The following ZNF414 variants were observed in gnomAD, a reference collection of about 807,000 sequenced individuals.
ZNF414 encodes zinc finger protein 414.
Under a neutral mutation model 38.3 loss-of-function variants are expected in ZNF414, and 32 were observed. The ratio of observed to expected loss-of-function variants is 0.83; its 90% CI spans 0.63 to 1.12. ZNF414 has a LOEUF of 1.12. Ranked by LOEUF, ZNF414 falls within the 50% of genes most tolerant of loss-of-function variation. ZNF414 has a pLI of 0.00. For synonymous variants in ZNF414, 256 were observed against 248.0 expected (o/e 1.03, Z -0.30); for missense variants, 589 against 557.4 (o/e 1.06, Z -0.57).
At position 8,511,799 on chromosome 19, in the gene ZNF414, G is replaced by A. The variant is rs1321226489; in HGVS notation, c.692C>T (p.Ala231Val). ...CAGCAGCGGGAACGGCAGGCCCGGC[G>A]CTGATGCGGGGTCAACCTCCGGGGG... ...ERPPEVDPAS[A>V]PGLPFPLLEP... The change falls in exon 5 of 8, where the codon GCG (alanine) becomes GTG (valine). Residue 231 changes from alanine (A) to valine (V), a missense_variant. Ala to Val is a moderately conservative substitution (Grantham distance 64). Transcript: ENST00000393927. 7.1e-7 allele frequency: 1 copy of A among 1,409,298 alleles called. No individual in the cohort carries two copies. Among genetic ancestry groups the A allele is most frequent in the South Asian group, 1.6e-5 (1 of 62,846 alleles). 87.3% of individuals were successfully genotyped at this position (1,409,298 alleles called of 1,614,324 possible). A position where few individuals can be genotyped will look rare whatever the true frequency, so the allele number is the denominator to read the frequency against.
At chr19:8,512,103 G>T in intron 4 of ZNF414, 143 bp from the exon 5 acceptor site, 1 of 1,416,884 alleles carries the variant, frequency 7.1e-7, no homozygotes, top group Non-Finnish European at 9.2e-7. Flanking sequence ...CTGTGGCAGC[G>T]ACCCTTCCTG....
At position 8,512,448 on chromosome 19, in the gene ZNF414, G is replaced by C. The variant is rs770736100; in HGVS notation, c.469C>G (p.Pro157Ala). ...CSALSCTETF[P>A]SMQELVAHSK... Reference sequence around the variant, plus strand: ...TGAGCCACCAGCTCCTGCATGCTGGGGAAGGTCTCGGTGCAGCTCAGGGCT... The same window carrying C: ...TGAGCCACCAGCTCCTGCATGCTGGCGAAGGTCTCGGTGCAGCTCAGGGCT... Residue 157 changes from proline (P) to alanine (A), a missense_variant, in exon 4 of 8, where the codon CCC becomes GCC. Transcript: ENST00000393927. 6.2e-7 allele frequency: 1 copy of C among 1,614,104 alleles called. No homozygotes were observed.
rs1372329914 is a variant in ZNF414 at position 8,513,014 on chromosome 19, C to T, written c.316+15G>A. 4 of 1,449,624 alleles carry T rather than the reference C, an allele frequency of 2.8e-6. No individual in the cohort carries two copies. The highest frequency in any genetic ancestry group is 9.1e-7 in the Non-Finnish European group (1 of 1,103,630). 89.8% of individuals were successfully genotyped at this position (1,449,624 alleles called of 1,614,324 possible). ...CAGGGACTGTGATTCCCCAGAAGAC[C>T]CCATCACAGATCACCTGGAGGTGGG... On this transcript the variant is annotated intron_variant, in intron 2 of 7. Transcript: ENST00000393927.
chr19:8,512,760 T>C, intron 2 of ZNF414, 49 bp from the exon 3 acceptor site: 1 of 1,431,786 alleles, frequency 7.0e-7, no homozygotes. Context: ...TCACTAGTGC[T>C]GTCCCTGACC....
chr19:8,513,391 C>G (rs1286765513), intron 1 of ZNF414, 50 bp from the exon 2 acceptor site: 24 of 1,500,242 alleles, frequency 1.6e-5, no homozygotes, highest in Admixed American at 2.4e-5. Context: ...TGGGTCAACC[C>G]AGTCGGCCCC....
Position 8,511,668 on chromosome 19 carries a change from C to A in ZNF414, c.823G>T (p.Ala275Ser). ...CTGGAAGCCGGCGGCCCGGGTGCAGCGGCCAGGAAGGGGCGCAGGCGCGGG... is the reference window on the plus strand; with the variant it reads ...CTGGAAGCCGGCGGCCCGGGTGCAGAGGCCAGGAAGGGGCGCAGGCGCGGG... Reference protein sequence around the residue: ...SPPRLRPFLAAAPGPPASSAA... With the variant: ...SPPRLRPFLASAPGPPASSAA... Residue 275 changes from alanine (A) to serine (S), a missense_variant, in exon 5 of 8, where the codon GCT becomes TCT. Transcript: ENST00000393927. The A allele has an allele frequency of 2.0e-6, 3 of 1,501,176 alleles. No homozygotes were observed. Among genetic ancestry groups the A allele is most frequent in the Non-Finnish European group, 2.7e-6 (3 of 1,129,392 alleles). 93.0% of individuals were successfully genotyped at this position (1,501,176 alleles called of 1,614,324 possible).
At chr19:8,512,957 T>G in intron 2 of ZNF414, 72 bp downstream of exon 2, 2 of 1,414,628 alleles carry the variant, frequency 1.4e-6, no homozygotes, top group Non-Finnish European at 1.8e-6. Context: ...GCCCTGAGGT[T>G]AGAGATTCTC....
At position 8,510,945 on chromosome 19, in the gene ZNF414, G is replaced by A. The variant is rs763446937; in HGVS notation, c.1005C>T (p.Ala335=). Residue 335 remains alanine (A), a synonymous_variant, in exon 7 of 8, where the codon GCC becomes GCT. Transcript: ENST00000393927. ...GGTGCAGGGTCATGGCGGGCCGCGA[G>A]GCCGTGGAGAAGGCGCACTGCATGC... ...YSCMQCAFST[A]SRPAMTLHLE... The A allele has an allele frequency of 1.4e-5, 17 of 1,243,394 alleles. No individual in the cohort carries two copies. The African/African-American group carries it at 2.0e-4, about 15-fold the overall frequency. The allele number at this position is 1,243,394 out of a possible 1,614,324, so 77.0% of individuals were successfully genotyped here.
Position 8,513,237 on chromosome 19 carries a change from G to A in ZNF414, c.108C>T (p.Ala36=), listed in dbSNP as rs898738523. ...EVLSPAVPAA[A]PSSSMSEEPG... ...GCTCCTCCGACATGGAGGAGGAAGGGGCTGCAGCTGGCACAGCCGGGGACA... is the reference window on the plus strand; with the variant it reads ...GCTCCTCCGACATGGAGGAGGAAGGAGCTGCAGCTGGCACAGCCGGGGACA... The change falls in exon 2 of 8, where the codon GCC becomes GCT. Residue 36 remains alanine, a synonymous_variant. Transcript: ENST00000393927. 3 of 1,587,288 alleles carry A rather than the reference G, an allele frequency of 1.9e-6. No homozygotes were observed. Among genetic ancestry groups the A allele is most frequent in the South Asian group, 1.1e-5 (1 of 88,858 alleles).
In ZNF414 at chr19:8,512,658, G is replaced by C. The variant is rs144131411; in HGVS notation, c.370C>G (p.Arg124Gly). The C allele has an allele frequency of 4.4e-6, 7 of 1,588,662 alleles. No individual in the cohort carries two copies. Among genetic ancestry groups the C allele is most frequent in the African/African-American group, 4.0e-5 (3 of 74,600 alleles). Residue 124 changes from arginine (R) to glycine (G), a missense_variant, in exon 3 of 8, where the codon CGT (arginine) becomes GGT (glycine). Physicochemically the swap from Arg to Gly is moderately radical, Grantham distance 125. Coordinates refer to ENST00000393927, the MANE Select transcript of ZNF414 (RefSeq NM_001146175.2). ...PGCCLSFPSV[R>G]DLAQHLRTHC... ...GTTCGCAGATGCTGTGCCAGGTCAC[G>C]GACGCTGGGAAAACTGAGGCAGCAG...
At chr19:8,513,365 G>A (rs377603655) in intron 1 of ZNF414, 24 bp from the exon 2 acceptor site, 1 of 1,546,560 alleles carries the variant, frequency 6.5e-7, no homozygotes, top group Non-Finnish European at 8.7e-7. Flanking sequence ...GAGGCGGAGA[G>A]AACCCTTCTG....
Position 8,514,134 on chromosome 19 carries a change from T to C in ZNF414, c.-88A>G. 1 of 1,368,896 alleles carries C rather than the reference T, an allele frequency of 7.3e-7. No homozygotes were observed. Among genetic ancestry groups the C allele is most frequent in the Non-Finnish European group, 9.5e-7 (1 of 1,057,476 alleles). The allele number at this position is 1,368,896 out of a possible 1,614,324, so 84.8% of individuals were successfully genotyped here. A position where few individuals can be genotyped will look rare whatever the true frequency, so the allele number is the denominator to read the frequency against. The stretch of plus-strand genomic sequence containing the variant: ...CCCTCTGGGCAGTGCGAGTTCGCGC[T>C]CACGTCAGCGCCATTTTCCACCTCT... On this transcript the variant is annotated 5_prime_UTR_variant, in exon 1 of 8. The change abolishes the stop of an existing upstream ORF in the 5' untranslated region. Transcript: ENST00000393927.
At chr19:8,512,238 ATC>A (rs1399473728) in intron 4 of ZNF414, 147 bp downstream of exon 4, 10 of 1,447,346 alleles carry the variant, frequency 6.9e-6, no homozygotes, top group Non-Finnish European at 9.2e-6. Context: ...GCCCCGCCCC[ATC>A]CAGGGAGTTG....
In ZNF414 at chr19:8,513,121, C is replaced by A. The variant is rs761376066; in HGVS notation, c.224G>T (p.Cys75Phe). The A allele has an allele frequency of 9.1e-6, 14 of 1,537,984 alleles. No homozygotes were observed. The highest frequency in any genetic ancestry group is 1.1e-5 in the Non-Finnish European group (13 of 1,144,500). ...AGGGCTGGGTCCGGGGCCAGGCTGG[C>A]AGCTGTCTGGGGCTGGGGAGGAGCC... ...QQGSSPAPDSCQPGPGPSPGL... is the reference protein window; with the variant it reads ...QQGSSPAPDSFQPGPGPSPGL... Residue 75 changes from cysteine to phenylalanine, a missense_variant, in exon 2 of 8, where the codon TGC becomes TTC. Transcript: ENST00000393927.
At chr19:8,511,455 C>T (rs200604041) in intron 6 of ZNF414, 31 bp downstream of exon 6, 5 of 1,607,356 alleles carry the variant, frequency 3.1e-6, no homozygotes, top group African/African-American at 1.3e-5. Flanking sequence ...GAAAGCCCCT[C>T]CACCCCTCCC....
At chr19:8,513,784 C>T (rs551064418) in intron 1 of ZNF414, among the ~76,000 whole-genome samples, 52 of 152,320 alleles carry the variant, frequency 3.4e-4, no homozygotes, top group African/African-American at 1.2e-3. Flanking sequence ...GGACCGAGAC[C>T]GGCCGGCCTC....
Position 8,510,782 on chromosome 19 carries a change from G to A in ZNF414, c.1100-18C>T. On this transcript the variant is annotated intron_variant, in intron 7 of 7. Coordinates refer to ENST00000393927, the MANE Select transcript of ZNF414 (RefSeq NM_001146175.2). ...GGCCGGATCTGGGTGGGGCAGAGGA[G>A]GGGGGCGCCTGAGCCTCAGCGCCTT... The A allele has an allele frequency of 1.3e-6, 2 of 1,536,080 alleles. No homozygotes were observed. Among genetic ancestry groups the A allele is most frequent in the Non-Finnish European group, 1.8e-6 (2 of 1,138,082 alleles).
Position 8,510,366 on chromosome 19 carries a change from G to A in ZNF414, c.*325C>T. 1 of 261,188 alleles carries A rather than the reference G, an allele frequency of 3.8e-6. No homozygotes were observed. The highest frequency in any genetic ancestry group is 7.2e-6 in the Non-Finnish European group (1 of 138,786). 16.2% of individuals were successfully genotyped at this position (261,188 alleles called of 1,614,324 possible). On this transcript the variant is annotated 3_prime_UTR_variant, in exon 8 of 8. Coordinates refer to ENST00000393927, the MANE Select transcript of ZNF414 (RefSeq NM_001146175.2). The stretch of plus-strand genomic sequence containing the variant: ...CATCCCATTTGGTTTCTGGACAAGG[G>A]AGAACGCTGCCACAGTGGGTACTGG...
In ZNF414 at chr19:8,510,832, G is replaced by T. The variant is rs1056455073; in HGVS notation, c.1099+19C>A. The T allele has an allele frequency of 7.0e-7, 1 of 1,433,456 alleles. No individual in the cohort carries two copies. Among genetic ancestry groups the T allele is most frequent in the Non-Finnish European group, 9.3e-7 (1 of 1,075,250 alleles). The allele number at this position is 1,433,456 out of a possible 1,614,324, so 88.8% of individuals were successfully genotyped here. On this transcript the variant is annotated intron_variant, in intron 7 of 7. Transcript: ENST00000393927. ...TGGGCCCCCGCCCCCCTCTCCACCC[G>T]CGCATTCCTCGGCCTTACCCGCGGG...
Sources: allele counts gnomAD v4.1 joint callset (sites outside exome capture counted in the v4.1 genomes callset), GRCh38; gene constraint gnomAD v4.1.1; transcripts MANE v1.5; gene names NCBI Gene and HGNC (gene_info 2026-07-23, HGNC 2026-07-21).